PAPPA: variants seen among roughly 807,000 people sequenced by gnomAD.
PAPPA encodes pappalysin-1.
A neutral mutation model predicts 164.0 loss-of-function variants in PAPPA; 60 were observed. That is an observed-to-expected ratio of 0.37 (90% confidence interval 0.30 to 0.45). The LOEUF is 0.45. Among genes scored for constraint, PAPPA ranks in the 20% least tolerant of loss-of-function variants. The pLI is 1.00. For missense variants in PAPPA, 1,782 were observed against 2,087.3 expected (o/e 0.85, Z 2.85); for synonymous variants, 875 against 814.1 (o/e 1.07, Z -1.27).
At chr9:116,304,046 G>A (rs1845613376) in intron 10 of PAPPA, among the ~76,000 whole-genome samples, 1 of 149,888 alleles carries the variant, frequency 6.7e-6, no homozygotes, top group Non-Finnish European at 1.5e-5. Flanking sequence ...CCAGCCTGCT[G>A]AATGAATGAA....
intron 5 of PAPPA, among the ~76,000 whole-genome samples, chr9:116,220,614 C>G (rs1168815195): frequency 6.6e-6 from 1 of 151,646 alleles, no homozygotes; most frequent in Non-Finnish European, 1.5e-5. Context: ...CAAGGCCGGG[C>G]ATGGTGGCTC....
intron 9 of PAPPA, among the ~76,000 whole-genome samples, chr9:116,276,668 T>C (rs985515740): frequency 1.3e-5 from 2 of 152,182 alleles, no homozygotes; most frequent in African/African-American, 4.8e-5. Flanking sequence ...ACGTCGTCTT[T>C]CCCAGACGTG....
chr9:116,389,291 C>A (rs1846858769), intron 21 of PAPPA, among the ~76,000 whole-genome samples: 1 of 152,026 alleles, frequency 6.6e-6, no homozygotes, highest in Admixed American at 6.6e-5. Context: ...CACCACCACA[C>A]CTGGCTAATT....
At chr9:116,186,719 A>C (rs765074425) in intron 1 of PAPPA, among the ~76,000 whole-genome samples, 13 of 152,092 alleles carry the variant, frequency 8.5e-5, no homozygotes, top group South Asian at 2.1e-4. Flanking sequence ...CTCGTATACT[A>C]TATTACACTT....
Position 116,153,948 on chromosome 9 carries a change from T to A in PAPPA, c.-225T>A. 1 of 337,296 alleles carries A rather than the reference T, an allele frequency of 3.0e-6. No individual in the cohort carries two copies. The highest frequency in any genetic ancestry group is 5.8e-5 in the Admixed American group (1 of 17,238). The allele number at this position is 337,296 out of a possible 1,614,324, so 20.9% of individuals were successfully genotyped here. On this transcript the variant is annotated 5_prime_UTR_variant, in exon 1 of 22. Coordinates refer to ENST00000328252, the MANE Select transcript of PAPPA (RefSeq NM_002581.5). ...GCAGATAAAGGAGCGGGGAGAGAAA[T>A]TAATTGCCAACCAGGAGGAGTTGGG...
chr9:116,368,914 T>C (rs1235291552), intron 19 of PAPPA, among the ~76,000 whole-genome samples: 1 of 152,148 alleles, frequency 6.6e-6, no homozygotes, highest in East Asian at 1.9e-4. Flanking sequence ...ACTCCGAGTG[T>C]ATAGACCTGG....
intron 1 of PAPPA, among the ~76,000 whole-genome samples, chr9:116,181,227 G>C (rs1843900889): frequency 6.6e-6 from 1 of 152,204 alleles, no homozygotes; most frequent in Non-Finnish European, 1.5e-5. Context: ...AAGGACCCCA[G>C]CCTGGCTGGC....
chr9:116,243,407 C>T (rs1036377323), intron 7 of PAPPA, among the ~76,000 whole-genome samples: 1 of 152,180 alleles, frequency 6.6e-6, no homozygotes, highest in South Asian at 2.1e-4. Context: ...CATATATGCT[C>T]AGTACTTTTT....
chr9:116,234,151 T>C (rs904089380), intron 6 of PAPPA, among the ~76,000 whole-genome samples: 4 of 152,106 alleles, frequency 2.6e-5, no homozygotes, highest in Admixed American at 1.3e-4. Flanking sequence ...CTACATTGAG[T>C]CCTGGTTATT....
At chr9:116,373,813 C>A (rs1846608299) in intron 19 of PAPPA, 1 of 152,094 alleles carries the variant, frequency 6.6e-6, no homozygotes, top group South Asian at 2.1e-4. Flanking sequence ...GGTTTAATTG[C>A]TGACTGTCAC....
chr9:116,303,125 T>C (rs1460931353), intron 10 of PAPPA, among the ~76,000 whole-genome samples, 175 bp downstream of exon 10: 1 of 152,212 alleles, frequency 6.6e-6, no homozygotes, highest in Non-Finnish European at 1.5e-5. Context: ...GATCTGGAAT[T>C]GTTAGGGCAG....
rs1481185548 is a variant in PAPPA, at chr9:116,154,804, G to C, written c.415+217G>C. Among the ~76,000 whole-genome samples, 1 of 152,208 alleles carries C rather than the reference G, an allele frequency of 6.6e-6. No individual in the cohort carries two copies. Among genetic ancestry groups the C allele is most frequent in the Non-Finnish European group, 1.5e-5 (1 of 68,036 alleles). On this transcript the variant is annotated intron_variant, in intron 1 of 21. Transcript: ENST00000328252. This position sits in a 1 kb window ranked among gnomAD's most constrained non-coding sequence, Gnocchi z 5.2. ...CGGAAGGCGTAGCTGCTCCATCCCTGGGAGGAACCTGGGGAGCCCTCCTGG... is the reference window on the plus strand; with the variant it reads ...CGGAAGGCGTAGCTGCTCCATCCCTCGGAGGAACCTGGGGAGCCCTCCTGG...
intron 10 of PAPPA, among the ~76,000 whole-genome samples, chr9:116,329,336 T>C (rs1845960861): frequency 6.6e-6 from 1 of 152,182 alleles, no homozygotes; most frequent in Non-Finnish European, 1.5e-5. Flanking sequence ...CTTTCTAAGC[T>C]AACAGTTTGG....
chr9:116,203,626 G>A (rs1844197495), intron 2 of PAPPA, among the ~76,000 whole-genome samples: 1 of 152,128 alleles, frequency 6.6e-6, no homozygotes, highest in Non-Finnish European at 1.5e-5. Flanking sequence ...TGCAGTAAAA[G>A]GAGCCTATCC....
intron 19 of PAPPA, among the ~76,000 whole-genome samples, chr9:116,371,278 A>G (rs1846570222): frequency 6.6e-6 from 1 of 152,132 alleles, no homozygotes; most frequent in African/African-American, 2.4e-5. Flanking sequence ...TTAGGCGAGC[A>G]TGGTGGCGCA....
chr9:116,385,221 G>A lies in PAPPA; in HGVS notation c.4776+2728G>A, dbSNP rs922006096. On this transcript the variant is annotated intron_variant, in intron 21 of 21. Transcript: ENST00000328252. The stretch of plus-strand genomic sequence containing the variant: ...TGTACTCCAGCCTGGGTGACAAAAC[G>A]AGACTCCATCTCAAAATAAATAAAT... Among the ~76,000 whole-genome samples the A allele has an allele frequency of 6.7e-5, 10 of 148,832 alleles. No homozygotes were observed. In the South Asian group the frequency reaches 1.3e-3, roughly 19 times the overall value.
At chr9:116,301,111 A>G (rs1738186445) in intron 9 of PAPPA, among the ~76,000 whole-genome samples, 1 of 151,962 alleles carries the variant, frequency 6.6e-6, no homozygotes, top group African/African-American at 2.4e-5. Context: ...CCACTCTATT[A>G]TTTTGTGGAA....
Position 116,153,996 on chromosome 9 carries a change from G to A in PAPPA, c.-177G>A, listed in dbSNP as rs1303357727. The A allele has an allele frequency of 4.4e-6, 3 of 677,168 alleles. No homozygotes were observed. Among genetic ancestry groups the A allele is most frequent in the Non-Finnish European group, 5.9e-6 (3 of 510,514 alleles). 41.9% of individuals were successfully genotyped at this position (677,168 alleles called of 1,614,324 possible). ...GGGCTGTATTTTTCAAAGGTGGGGA[G>A]AGTGGAGCACACACCTTGAGGAGGA... On this transcript the variant is annotated 5_prime_UTR_variant, in exon 1 of 22. Transcript: ENST00000328252.
intron 1 of PAPPA, among the ~76,000 whole-genome samples, chr9:116,165,499 A>G (rs1409665450): frequency 6.6e-6 from 1 of 152,036 alleles, no homozygotes; most frequent in Non-Finnish European, 1.5e-5. Context: ...TCTTCTCTGT[A>G]CCTTAAATCC....
Sources: allele counts gnomAD v4.1 joint callset (sites outside exome capture counted in the v4.1 genomes callset), GRCh38; gene constraint gnomAD v4.1.1; non-coding constraint Gnocchi (gnomAD v3.1); transcripts MANE v1.5; gene names NCBI Gene and HGNC (gene_info 2026-07-23, HGNC 2026-07-21).